Variants in SHOX observed in about 807,000 individuals in gnomAD.
SHOX encodes the protein SHOX homeobox.
In SHOX, 12 loss-of-function variants were observed where a neutral mutation model predicts 29.6. The observed-to-expected ratio is 0.41, with a 90% CI of 0.26 to 0.66. The LOEUF (loss-of-function observed/expected upper bound fraction) is 0.66. Ranked by LOEUF, SHOX falls within the 30% of genes least tolerant of loss-of-function variation. The pLI is 0.35. For synonymous variants in SHOX, 214 were observed against 200.6 expected, an observed-to-expected ratio of 1.07 and a Z score of -0.57; for missense variants, 499 against 437.7, an observed-to-expected ratio of 1.14 and a Z score of -1.25.
downstream of SHOX, among the ~76,000 whole-genome samples, chrX:653,295 G>A (rs1384053003): frequency 6.6e-6 from 1 of 152,092 alleles, no homozygotes; most frequent in Non-Finnish European, 1.5e-5. Context: ...AAAACGTTCA[G>A]CTTTGTTCTG....
intron 5 of SHOX, among the ~76,000 whole-genome samples, chrX:656,837 C>T (rs191583215): frequency 0.047 from 3,630 of 77,480 alleles, 380 homozygotes; most frequent in Non-Finnish European, 0.051. Context: ...AGCAAGACTC[C>T]GTCTCAAAAA....
At chrX:627,499 T>C (rs186973270), upstream of SHOX, among the ~76,000 whole-genome samples, 700 of 152,282 alleles carry the variant, frequency 4.6e-3, 5 homozygotes, top group African/African-American at 0.016. Flanking sequence ...GAGATCTCTT[T>C]CGCGTAGCCA....
At chrX:655,568 G>GTCTCTCTGTCTC (rs1486294545), downstream of SHOX, among the ~76,000 whole-genome samples, 10 of 87,884 alleles carry the variant, frequency 1.1e-4, no homozygotes, top group African/African-American at 4.1e-4. Flanking sequence ...CTCTCTCTCT[G>GTCTCTCTGTCTC]TCTCTCTCTC....
rs1327602091 is a variant in SHOX at position 649,467 on chromosome X, C to G, written c.*4831C>G. On this transcript the variant is annotated 3_prime_UTR_variant, in exon 5 of 5. Transcript: ENST00000686671. ...TTTGCGTGAACATTCAGCATGGAAA[C>G]AACATACGTCTCTCCACAGGAGGTG... 6.6e-6 allele frequency among the ~76,000 whole-genome samples: 1 copy of G among 152,138 alleles called. No individual in the cohort carries two copies. Among genetic ancestry groups the G allele is most frequent in the African/African-American group, 2.4e-5 (1 of 41,424 alleles).
chrX:655,670 T>G (rs2053137351), downstream of SHOX, among the ~76,000 whole-genome samples: 1 of 143,330 alleles, frequency 7.0e-6, no homozygotes, highest in Non-Finnish European at 1.5e-5. Context: ...GTTTCAAAAA[T>G]TGCTGGGTGA....
upstream of SHOX, among the ~76,000 whole-genome samples, chrX:627,884 G>C (rs778308967): frequency 3.7e-4 from 57 of 152,282 alleles, no homozygotes; most frequent in Admixed American, 3.5e-3. Context: ...GTTTTCGGTA[G>C]GGAGACAGTG....
At chrX:627,707 T>G (rs2052563268), upstream of SHOX, among the ~76,000 whole-genome samples, 1 of 152,174 alleles carries the variant, frequency 6.6e-6, no homozygotes, top group Admixed American at 6.5e-5. Flanking sequence ...TGCTCATTCC[T>G]GGAGGCTCGG....
upstream of SHOX, among the ~76,000 whole-genome samples, chrX:626,240 TTC>T (rs1348082284): frequency 6.9e-6 from 1 of 144,238 alleles, no homozygotes; most frequent in Non-Finnish European, 1.5e-5. Flanking sequence ...CTGTCTCTCT[TTC>T]TCTCTCTCCT....
rs1202960806 is a variant in SHOX, at chrX:650,461, G to C, written c.*5825G>C. Among the ~76,000 whole-genome samples the C allele has an allele frequency of 5.9e-5, 9 of 152,134 alleles. No homozygotes were observed. The highest frequency in any genetic ancestry group is 5.9e-5 in the Non-Finnish European group (4 of 68,032). On this transcript the variant is annotated 3_prime_UTR_variant, in exon 5 of 5. Transcript: ENST00000686671. Reference sequence around the variant, plus strand: ...GCATCTGTGGATACCGCAGAGTCTGGGGACAGCTGGGCGTTTAACCGAAAT... The same window carrying C: ...GCATCTGTGGATACCGCAGAGTCTGCGGACAGCTGGGCGTTTAACCGAAAT...
At chrX:643,557 C>A (rs1176170837) in intron 4 of SHOX, among the ~76,000 whole-genome samples, 2 of 133,250 alleles carry the variant, frequency 1.5e-5, no homozygotes, top group Non-Finnish European at 3.1e-5. Flanking sequence ...GACCTAGTGA[C>A]CCGGGAGAGG....
chrX:647,198 T>A lies in SHOX; in HGVS notation c.*2562T>A, dbSNP rs2052981384. ...TTCAAGCCATTCTCCTGCCTCAGCC[T>A]CCCGAGTAGCTGGGATTACAGGCAC... On this transcript the variant is annotated 3_prime_UTR_variant, in exon 5 of 5. Coordinates refer to ENST00000686671, the MANE Select transcript of SHOX (RefSeq NM_000451.4). Among the ~76,000 whole-genome samples the A allele has an allele frequency of 6.6e-6, 1 of 152,086 alleles. No homozygotes were observed. The highest frequency in any genetic ancestry group is 2.1e-4 in the South Asian group (1 of 4,822).
At chrX:642,306 G>A (rs1382174678) in intron 4 of SHOX, among the ~76,000 whole-genome samples, 9 of 152,152 alleles carry the variant, frequency 5.9e-5, no homozygotes, top group Admixed American at 5.2e-4. Flanking sequence ...GGCTTGGGGG[G>A]GGGGCTCTGG....
At position 645,475 on chromosome X, in the gene SHOX, G is replaced by A. The variant is rs938741191; in HGVS notation, c.*839G>A. On this transcript the variant is annotated 3_prime_UTR_variant, in exon 5 of 5. Transcript: ENST00000686671. ...AGACTTGCATAAGAGACGGACGCGT[G>A]GTTGCAAGGTGTCATACTGATATGC... 1.4e-5 allele frequency: 2 copies of A among 139,580 alleles called. No homozygotes were observed. The highest frequency in any genetic ancestry group is 5.4e-5 in the African/African-American group (2 of 36,884). The allele number at this position is 139,580 out of a possible 1,614,324, so 8.6% of individuals were successfully genotyped here. A position where few individuals can be genotyped will look rare whatever the true frequency, so the allele number is the denominator to read the frequency against.
At chrX:639,544 G>T (rs891606738) in intron 2 of SHOX, among the ~76,000 whole-genome samples, 5 of 152,212 alleles carry the variant, frequency 3.3e-5, no homozygotes, top group South Asian at 2.1e-4. Context: ...TGGAAACTTC[G>T]GTTCTCCTAC....
At chrX:624,370 AC>A (rs1569491439) in exon 1 of SHOX, 1 of 140,158 alleles carries the variant, frequency 7.1e-6, no homozygotes, top group Non-Finnish European at 1.5e-5. Context: ...GGTCCTGAGA[AC>A]AGGGGCTCCC....
intron 2 of SHOX, among the ~76,000 whole-genome samples, chrX:636,943 T>TAAAAAAAAAA (rs113697515): frequency 7.6e-6 from 1 of 131,286 alleles, no homozygotes; most frequent in East Asian, 2.1e-4. Flanking sequence ...CTCTTTCATT[T>TAAAAAAAAAA]AAAAATATAT....
Position 650,811 on chromosome X carries a change from A to AAAC in SHOX, c.*6177_*6178insCAA, listed in dbSNP as rs1556473232. 7.8e-4 allele frequency among the ~76,000 whole-genome samples: 115 copies of AAAC among 147,302 alleles called. 5 individuals carry two copies. The South Asian group carries it at 0.019, about 25-fold the overall frequency. On this transcript the variant is annotated 3_prime_UTR_variant, in exon 5 of 5. Coordinates refer to ENST00000686671, the MANE Select transcript of SHOX (RefSeq NM_000451.4). ...TGACATTAAAAAAAAAAAAAAAAAA[A>AAAC]AAAAAAAACTGGTGCCTAATTTATT...
At chrX:637,009 G>T (rs1376203648) in intron 2 of SHOX, among the ~76,000 whole-genome samples, 2 of 149,308 alleles carry the variant, frequency 1.3e-5, no homozygotes, top group African/African-American at 5.0e-5. Context: ...CCATGTGGCT[G>T]CATTTTAAAA....
chrX:642,436 G>A (rs2031532961), intron 4 of SHOX, among the ~76,000 whole-genome samples: 1 of 152,126 alleles, frequency 6.6e-6, no homozygotes, highest in Non-Finnish European at 1.5e-5. Context: ...GGTGGGGAGC[G>A]CGGAAGGTAT....
Sources: allele counts gnomAD v4.1 joint callset (sites outside exome capture counted in the v4.1 genomes callset), GRCh38; gene constraint gnomAD v4.1.1; transcripts MANE v1.5; gene names NCBI Gene and HGNC (gene_info 2026-07-23, HGNC 2026-07-21).